NEXMIF: variants seen among roughly 807,000 people sequenced by gnomAD.
NEXMIF encodes XLMR protein related to neurite extension.
Under a neutral mutation model 62.1 loss-of-function variants are expected in NEXMIF, and 8 were observed. The ratio of observed to expected loss-of-function variants is 0.13; its 90% CI spans 0.08 to 0.23. The LOEUF (loss-of-function observed/expected upper bound fraction) is 0.23, where lower values mean the gene tolerates loss of function less well. Ranked by LOEUF, NEXMIF falls within the 10% of genes least tolerant of loss-of-function variation. The probability of loss-of-function intolerance (pLI) is 1.00; values close to 1 mark genes in which losing one functional copy is unlikely to be tolerated. For synonymous variants in NEXMIF, 404 were observed against 416.6 expected (o/e 0.97, Z 0.37); for missense variants, 976 against 1,113.3 (o/e 0.88, Z 1.75).
In NEXMIF at chrX:74,835,977, G is replaced by A. The variant is rs180901256; in HGVS notation, c.-48+88906C>T. On this transcript the variant is annotated intron_variant, in intron 1 of 3. Coordinates refer to ENST00000055682, the MANE Select transcript of NEXMIF (RefSeq NM_001008537.3). ...ACTAAATAGATAAGTGGCTAAGCTG[G>A]TGCTAAAACCATGACATGCAGTCTT... Among the ~76,000 whole-genome samples the A allele has an allele frequency of 3.3e-3, 370 of 112,483 alleles. 2 individuals carry two copies. The highest frequency in any genetic ancestry group is 0.011 in the African/African-American group (353 of 31,019).
intron 1 of NEXMIF, among the ~76,000 whole-genome samples, chrX:74,855,952 G>A (rs1017734910): frequency 1.8e-5 from 2 of 112,157 alleles, no homozygotes; most frequent in African/African-American, 6.5e-5. Flanking sequence ...GATAGGAAAA[G>A]AATCTGATTT....
chrX:74,924,833 G>C (rs1226366292), intron 1 of NEXMIF, 50 bp downstream of exon 1: 3 of 114,015 alleles, frequency 2.6e-5, no homozygotes, highest in Admixed American at 9.2e-5. Flanking sequence ...CGAGCCAGCC[G>C]GGGAGCCGGC....
At chrX:74,919,197 C>A (rs1340618956) in intron 1 of NEXMIF, among the ~76,000 whole-genome samples, 3 of 111,795 alleles carry the variant, frequency 2.7e-5, no homozygotes, top group African/African-American at 9.8e-5. Context: ...GACATCACCT[C>A]TTTATGTGCA....
chrX:74,867,243 T>A (rs1053954792), intron 1 of NEXMIF, among the ~76,000 whole-genome samples: 2 of 112,057 alleles, frequency 1.8e-5, no homozygotes, highest in Admixed American at 1.9e-4. Flanking sequence ...ACCATTACAC[T>A]ACCATTGACA....
chrX:74,918,562 T>A (rs946208621), intron 1 of NEXMIF, among the ~76,000 whole-genome samples: 7 of 111,751 alleles, frequency 6.3e-5, no homozygotes, highest in African/African-American at 2.3e-4. Flanking sequence ...AAATAGCTAT[T>A]GACATTTTGA....
intron 1 of NEXMIF, among the ~76,000 whole-genome samples, chrX:74,859,272 AAAC>A (rs1397956094): frequency 8.9e-6 from 1 of 112,184 alleles, no homozygotes; most frequent in African/African-American, 3.2e-5. Flanking sequence ...AAGAGAAAAG[AAAC>A]AACACACAAT....
intron 1 of NEXMIF, among the ~76,000 whole-genome samples, chrX:74,750,717 T>C (rs1356337156): frequency 9.0e-6 from 1 of 111,346 alleles, no homozygotes. Flanking sequence ...TATTTTCAGA[T>C]ATCTATCAGG....
At chrX:74,765,122 A>C (rs907898691) in intron 1 of NEXMIF, among the ~76,000 whole-genome samples, 2 of 111,891 alleles carry the variant, frequency 1.8e-5, no homozygotes, top group Non-Finnish European at 3.8e-5. Context: ...ATAGGTGCAT[A>C]TATATTTATA....
At chrX:74,800,528 C>G (rs972239822) in intron 1 of NEXMIF, among the ~76,000 whole-genome samples, 1 of 110,870 alleles carries the variant, frequency 9.0e-6, no homozygotes. Context: ...CAATTCAGAA[C>G]AGTTCCGTGA....
At chrX:74,896,086 C>T (rs1226922183) in intron 1 of NEXMIF, among the ~76,000 whole-genome samples, 1 of 111,041 alleles carries the variant, frequency 9.0e-6, no homozygotes, top group African/African-American at 3.3e-5. Flanking sequence ...GTCATGCTTC[C>T]TAGGTTCTTC....
At chrX:74,911,731 C>A (rs2080790853) in intron 1 of NEXMIF, among the ~76,000 whole-genome samples, 1 of 112,659 alleles carries the variant, frequency 8.9e-6, no homozygotes, top group Non-Finnish European at 1.9e-5. Flanking sequence ...ATAGCCCTGG[C>A]TCAATTCCCT....
chrX:74,846,259 C>T (rs991159778), intron 1 of NEXMIF, among the ~76,000 whole-genome samples: 3 of 112,035 alleles, frequency 2.7e-5, no homozygotes, highest in South Asian at 3.7e-4. Context: ...ATAATAAAAA[C>T]ACCTATCACT....
chrX:74,908,865 G>A (rs1334886897), intron 1 of NEXMIF, among the ~76,000 whole-genome samples: 1 of 111,729 alleles, frequency 9.0e-6, no homozygotes, highest in African/African-American at 3.3e-5. Flanking sequence ...CGTTGTTGTG[G>A]TAGTGAATAA....
chrX:74,761,701 G>C (rs1243924783), intron 1 of NEXMIF, among the ~76,000 whole-genome samples: 2 of 110,224 alleles, frequency 1.8e-5, no homozygotes, highest in Admixed American at 9.7e-5. Context: ...CTTTTGAATG[G>C]TTTTTCGTGT....
In NEXMIF at chrX:74,832,071, T is replaced by C. The variant is rs770819353; in HGVS notation, c.-47-86374A>G. Among the ~76,000 whole-genome samples, 3 of 112,348 alleles carry C rather than the reference T, an allele frequency of 2.7e-5. No homozygotes were observed. In the South Asian group the frequency reaches 1.1e-3, roughly 41 times the overall value. On this transcript the variant is annotated intron_variant, in intron 1 of 3. Coordinates refer to ENST00000055682, the MANE Select transcript of NEXMIF (RefSeq NM_001008537.3). ...CATCAGAGATATTGGCCTGTAGTTTTCTTTTTCTGTTGTGTCTTTGTTTGT... is the reference window on the plus strand; with the variant it reads ...CATCAGAGATATTGGCCTGTAGTTTCCTTTTTCTGTTGTGTCTTTGTTTGT...
chrX:74,744,385 G>A lies in NEXMIF; in HGVS notation c.172C>T (p.Leu58=), dbSNP rs749419144. Residue 58 remains leucine, a synonymous_variant, in exon 3 of 4, where the codon CTG becomes TTG. Coordinates refer to ENST00000055682, the MANE Select transcript of NEXMIF (RefSeq NM_001008537.3). ...GGCAGGAGACCTCTGGGATACATCA[G>A]GGTCTCTTTTTGTGCCACCGGTGTA... ...QPTPVAQKET[L]MYPRGLLPLP... 3 of 1,207,534 alleles carry A rather than the reference G, an allele frequency of 2.5e-6. No homozygotes were observed. The highest frequency in any genetic ancestry group is 3.4e-6 in the Non-Finnish European group (3 of 893,502).
intron 1 of NEXMIF, among the ~76,000 whole-genome samples, chrX:74,780,300 G>A (rs1427602677): frequency 9.0e-6 from 1 of 110,850 alleles, no homozygotes; most frequent in Non-Finnish European, 1.9e-5. Context: ...TCTAGTTGGA[G>A]GCATGGTTCA....
At chrX:74,786,982 C>T (rs746346248) in intron 1 of NEXMIF, among the ~76,000 whole-genome samples, 4 of 108,592 alleles carry the variant, frequency 3.7e-5, no homozygotes, top group Non-Finnish European at 5.7e-5. Context: ...AGCTATGGGC[C>T]GGGCACAGTG....
At chrX:74,867,966 C>T (rs763976841) in intron 1 of NEXMIF, among the ~76,000 whole-genome samples, 1 of 111,255 alleles carries the variant, frequency 9.0e-6, no homozygotes, top group African/African-American at 3.3e-5. Flanking sequence ...AAAAAGTGGG[C>T]AAAGAACATG....
Sources: gnomAD v4.1 joint callset for allele counts (sites outside exome capture counted in the v4.1 genomes callset) on GRCh38, gnomAD v4.1.1 for gene constraint, MANE v1.5 for transcripts, NCBI Gene and HGNC (gene_info 2026-07-23, HGNC 2026-07-21) for gene names.